The following COL14A1 variants were observed in gnomAD, a reference collection of about 807,000 sequenced individuals.
The protein encoded by COL14A1 is collagen alpha-1(XIV) chain.
In COL14A1, 136 loss-of-function variants were observed where a neutral mutation model predicts 230.3. The observed-to-expected ratio is 0.59, with a 90% CI of 0.51 to 0.68. The LOEUF is 0.68. Among genes scored for constraint, COL14A1 ranks in the 30% least tolerant of loss-of-function variants. The probability of loss-of-function intolerance (pLI) is 0.00; values close to 1 mark genes in which losing one functional copy is unlikely to be tolerated. For synonymous variants in COL14A1, 792 were observed against 784.1 expected (o/e 1.01, Z -0.17); for missense variants, 1,976 against 2,215.8 (o/e 0.89, Z 2.17).
intron 45 of COL14A1, among the ~76,000 whole-genome samples, chr8:120,348,998 T>G (rs1365372375): frequency 2.6e-5 from 4 of 152,170 alleles, no homozygotes; most frequent in African/African-American, 9.6e-5. Flanking sequence ...TCTGACAGCT[T>G]TGAAGGGAGC....
At chr8:120,159,112 T>C (rs1815575111) in intron 3 of COL14A1, among the ~76,000 whole-genome samples, 1 of 152,190 alleles carries the variant, frequency 6.6e-6, no homozygotes, top group African/African-American at 2.4e-5. Context: ...TTTCTATGAA[T>C]TTGCAACTCA....
chr8:120,203,000 A>ATATATATAT (rs1278764939), intron 8 of COL14A1, among the ~76,000 whole-genome samples: 1 of 79,892 alleles, frequency 1.3e-5, no homozygotes, highest in Non-Finnish European at 2.6e-5. Context: ...ATATATATAT[A>ATATATATAT]TATATATATA....
intron 3 of COL14A1, among the ~76,000 whole-genome samples, chr8:120,160,740 A>G (rs1266753338): frequency 6.6e-6 from 1 of 152,208 alleles, no homozygotes; most frequent in Non-Finnish European, 1.5e-5. Flanking sequence ...TTTCAACACT[A>G]TGAGATATGG....
chr8:120,354,362 G>A (rs1822899129), intron 45 of COL14A1, among the ~76,000 whole-genome samples: 2 of 126,522 alleles, frequency 1.6e-5, no homozygotes, highest in South Asian at 2.7e-4. Context: ...TGCACAATGT[G>A]CACATGTACC....
At chr8:120,237,148 G>A (rs1818469488) in intron 19 of COL14A1, among the ~76,000 whole-genome samples, 1 of 152,138 alleles carries the variant, frequency 6.6e-6, no homozygotes, top group South Asian at 2.1e-4. Context: ...GAATTTGAAT[G>A]TTGGCCTGTC....
intron 2 of COL14A1, among the ~76,000 whole-genome samples, chr8:120,153,760 A>C (rs577038648): frequency 2.0e-5 from 3 of 152,244 alleles, no homozygotes; most frequent in African/African-American, 7.2e-5. Flanking sequence ...TCATATAATC[A>C]AAGTAAAAGT....
chr8:120,169,980 A>C (rs1471392153), intron 5 of COL14A1, among the ~76,000 whole-genome samples: 1 of 152,030 alleles, frequency 6.6e-6, no homozygotes, highest in Non-Finnish European at 1.5e-5. Flanking sequence ...AGTTTTTATC[A>C]TTCCAATATG....
chr8:120,325,898 T>C (rs1821650190), intron 40 of COL14A1, among the ~76,000 whole-genome samples: 1 of 152,184 alleles, frequency 6.6e-6, no homozygotes, highest in African/African-American at 2.4e-5. Flanking sequence ...TTTTGGGACG[T>C]GCAAGTACTT....
chr8:120,168,361 G>A (rs984240471), intron 5 of COL14A1, 114 bp downstream of exon 5: 3 of 687,964 alleles, frequency 4.4e-6, no homozygotes, highest in Non-Finnish European at 7.5e-6. Flanking sequence ...CTAATACGAA[G>A]ATCGCCTGTG....
Position 120,270,128 on chromosome 8 carries a change from A to G in COL14A1, c.3167A>G (p.Tyr1056Cys). Reference sequence around the variant, plus strand: ...TTCAATAAGATCATCAGCTTTCTATACAGCACTGTTGGAGCCCTGAACAAG... The same window carrying G: ...TTCAATAAGATCATCAGCTTTCTATGCAGCACTGTTGGAGCCCTGAACAAG... ...ENFNKIISFL[Y>C]STVGALNKIG... The change falls in exon 26 of 48, where the codon TAC (tyrosine) becomes TGC (cysteine). Residue 1056 changes from tyrosine to cysteine, a missense_variant. Around this residue, in one of 3 missense-constraint regions of COL14A1, gnomAD observed 1,791 missense variants for 2,019.5 expected, o/e 0.89. Coordinates refer to ENST00000297848, the MANE Select transcript of COL14A1 (RefSeq NM_021110.4). 1 of 1,611,516 alleles carries G rather than the reference A, an allele frequency of 6.2e-7. No homozygotes were observed. The highest frequency in any genetic ancestry group is 1.1e-5 in the South Asian group (1 of 90,968).
chr8:120,210,357 A>G (rs906612249), intron 12 of COL14A1, among the ~76,000 whole-genome samples: 3 of 152,202 alleles, frequency 2.0e-5, no homozygotes, highest in African/African-American at 7.2e-5. Context: ...AAATTCCTAG[A>G]AATAGAGTTT....
chr8:120,126,120 C>G (rs1814325895), intron 1 of COL14A1, among the ~76,000 whole-genome samples: 1 of 152,252 alleles, frequency 6.6e-6, no homozygotes, highest in South Asian at 2.1e-4. Context: ...TTTTATCTCT[C>G]TGACACCCCC....
At chr8:120,326,794 G>A (rs1821684792) in intron 40 of COL14A1, among the ~76,000 whole-genome samples, 1 of 152,216 alleles carries the variant, frequency 6.6e-6, no homozygotes, top group Non-Finnish European at 1.5e-5. Flanking sequence ...GGGAGGCTGA[G>A]GCAGGTGGAT....
Position 120,278,544 on chromosome 8 carries a change from T to C in COL14A1, c.3447T>C (p.Asp1149=). Residue 1149 remains aspartate, a synonymous_variant, in exon 28 of 48, where the codon GAT becomes GAC. Transcript: ENST00000297848. ...TAACTGATGGAAGATCACAAGATGA[T>C]GTGAACAAAATCTCCAGGGAGATGC... The part of the protein sequence containing the change: ...VVITDGRSQD[D]VNKISREMQL... The C allele has an allele frequency of 6.2e-7, 1 of 1,612,974 alleles. No individual in the cohort carries two copies.
chr8:120,233,013 C>A (rs1042026350), intron 19 of COL14A1, among the ~76,000 whole-genome samples: 2 of 152,150 alleles, frequency 1.3e-5, no homozygotes, highest in African/African-American at 4.8e-5. Context: ...TTTCTAATGA[C>A]CAACGATGAT....
intron 1 of COL14A1, among the ~76,000 whole-genome samples, chr8:120,144,207 TA>T (rs1011719528): frequency 2.6e-5 from 4 of 152,174 alleles, no homozygotes; most frequent in Non-Finnish European, 4.4e-5. Context: ...TTCAAGAATA[TA>T]AAAAAACAGT....
intron 5 of COL14A1, among the ~76,000 whole-genome samples, chr8:120,189,239 T>C (rs1213385467): frequency 6.6e-6 from 1 of 152,204 alleles, no homozygotes; most frequent in African/African-American, 2.4e-5. Flanking sequence ...ACATTGTACA[T>C]GTGTACCTTA....
chr8:120,342,489 T>C, intron 44 of COL14A1, 43 bp downstream of exon 44: 4 of 1,580,734 alleles, frequency 2.5e-6, no homozygotes, highest in Non-Finnish European at 3.5e-6. Flanking sequence ...CATAACAAAC[T>C]CTCATCCAAA....
chr8:120,204,222 A>G (rs1355718631), intron 9 of COL14A1, among the ~76,000 whole-genome samples: 2 of 152,230 alleles, frequency 1.3e-5, no homozygotes, highest in East Asian at 1.9e-4. Context: ...ATCTTGTAAA[A>G]CTAATTACAT....
Sources: allele counts gnomAD v4.1 joint callset (sites outside exome capture counted in the v4.1 genomes callset), GRCh38; gene constraint gnomAD v4.1.1; regional missense constraint gnomAD v4.1.1; transcripts MANE v1.5; gene names NCBI Gene and HGNC (gene_info 2026-07-23, HGNC 2026-07-21).